KDM4A: variants seen among roughly 807,000 people sequenced by gnomAD.
KDM4A encodes lysine-specific demethylase 4A.
KDM4A carries 23 observed loss-of-function variants against 127.1 expected under a neutral mutation model. The observed-to-expected ratio is 0.18, with a 90% confidence interval of 0.13 to 0.26. The LOEUF (loss-of-function observed/expected upper bound fraction) is 0.26. Ranked by LOEUF, KDM4A falls within the 10% of genes least tolerant of loss-of-function variation. KDM4A has a pLI of 1.00. For missense variants in KDM4A, 890 were observed against 1,329.1 expected (o/e 0.67, Z 5.14); for synonymous variants, 443 against 466.5 (o/e 0.95, Z 0.65).
At position 43,704,560 on chromosome 1, in the gene KDM4A, T is replaced by C; in HGVS notation, c.*190T>C. 1.6e-6 allele frequency: 1 copy of C among 624,454 alleles called. No homozygotes were observed. Among genetic ancestry groups the C allele is most frequent in the African/African-American group, 1.8e-5 (1 of 54,582 alleles). The allele number at this position is 624,454 out of a possible 1,614,324, so 38.7% of individuals were successfully genotyped here. ...CTGTAGTGAAAGGACGAGCCATTTC[T>C]GGGCACGTGGCAGCAGTCGCTGATC... is the stretch of plus-strand genomic sequence containing the variant. On this transcript the variant is annotated 3_prime_UTR_variant, in exon 22 of 22. Coordinates refer to ENST00000372396, the MANE Select transcript of KDM4A (RefSeq NM_014663.3).
At chr1:43,689,561 G>T (rs565341049) in intron 13 of KDM4A, among the ~76,000 whole-genome samples, 1 of 152,360 alleles carries the variant, frequency 6.6e-6, no homozygotes, top group South Asian at 2.1e-4. Context: ...AGGGGTGGAA[G>T]CAAGGGCCTG....
chr1:43,684,574 G>A (rs1419937605), intron 12 of KDM4A, among the ~76,000 whole-genome samples: 1 of 152,178 alleles, frequency 6.6e-6, no homozygotes, highest in East Asian at 1.9e-4. Context: ...GCAGGAGGCT[G>A]TAGTCAGAGG....
chr1:43,665,442 G>A (rs1312096162), intron 5 of KDM4A, among the ~76,000 whole-genome samples: 3 of 151,702 alleles, frequency 2.0e-5, no homozygotes, highest in African/African-American at 7.3e-5. Flanking sequence ...CGTAAATCCT[G>A]GCTCATGGTG....
chr1:43,703,373 T>C lies in KDM4A; in HGVS notation c.2842-244T>C, dbSNP rs879251253. On this transcript the variant is annotated intron_variant, in intron 19 of 21. Coordinates refer to ENST00000372396, the MANE Select transcript of KDM4A (RefSeq NM_014663.3). ...GATTCTGGCACTTAACTCCTGTGTT[T>C]ACTAAGTTTGTTATAGCTGGATTTT... The C allele has an allele frequency of 1.8e-5, 7 of 381,100 alleles. No homozygotes were observed. The Admixed American group carries it at 2.6e-4, about 14-fold the overall frequency. The allele number at this position is 381,100 out of a possible 1,614,324, so 23.6% of individuals were successfully genotyped here.
At chr1:43,677,344 CAAA>C (rs35771419) in intron 11 of KDM4A, among the ~76,000 whole-genome samples, 4 of 65,790 alleles carry the variant, frequency 6.1e-5, no homozygotes, top group Admixed American at 3.4e-4. Context: ...GACTCCATCT[CAAA>C]AAAAAAAAAA....
At position 43,694,054 on chromosome 1, in the gene KDM4A, A is replaced by T. The variant is rs766183454; in HGVS notation, c.2436A>T (p.Glu812Asp). The change falls in exon 17 of 22, where the codon GAA (glutamate) becomes GAT (aspartate). Residue 812 changes from glutamate to aspartate, a missense_variant. Transcript: ENST00000372396. The surrounding 1 kb of genome is among the most constrained non-coding windows in gnomAD (Gnocchi z 5.2). ...ILEARFVNIA[E>D]RSPVDVSKIP... ...AAGCAAGGTTTGTCAACATTGCAGAAAGAAGTCCGGTGGATGTGAGCAAAA... is the reference window on the plus strand; with the variant it reads ...AAGCAAGGTTTGTCAACATTGCAGATAGAAGTCCGGTGGATGTGAGCAAAA... The T allele has an allele frequency of 1.9e-5, 31 of 1,614,154 alleles. No homozygotes were observed. Among genetic ancestry groups the T allele is most frequent in the African/African-American group, 4.0e-5 (3 of 74,956 alleles).
At position 43,688,887 on chromosome 1, in the gene KDM4A, G is replaced by C. The variant is rs374593599; in HGVS notation, c.1856-27G>C. The C allele has an allele frequency of 9.3e-6, 15 of 1,607,602 alleles. No homozygotes were observed. The highest frequency in any genetic ancestry group is 1.3e-5 in the Non-Finnish European group (15 of 1,175,382). On this transcript the variant is annotated intron_variant, in intron 12 of 21. Transcript: ENST00000372396. The surrounding 1 kb of genome is among the most constrained non-coding windows in gnomAD (Gnocchi z 4.4). The stretch of plus-strand genomic sequence containing the variant: ...GCCACAGATGTGCAGGGTTAGTGCT[G>C]ACTCACACTTCTGTTTCCTCCTCTA...
At position 43,683,809 on chromosome 1, in the gene KDM4A, GTGT is replaced by G. The variant is rs773459103; in HGVS notation, c.1855+10_1855+12del. On this transcript the variant is annotated splice_donor_region_variant and intron_variant, in intron 12 of 21. Coordinates refer to ENST00000372396, the MANE Select transcript of KDM4A (RefSeq NM_014663.3). Reference sequence around the variant, plus strand: ...AGGAGTGTGTCAGTGATGATGGTAAGTGTTGTTTTTTCTTCACCAGGAGGAAAG... The same window carrying G: ...AGGAGTGTGTCAGTGATGATGGTAAGTGTTTTTTCTTCACCAGGAGGAAAG... The G allele has an allele frequency of 2.2e-5, 35 of 1,613,312 alleles. No individual in the cohort carries two copies. Among genetic ancestry groups the G allele is most frequent in the Non-Finnish European group, 2.7e-5 (32 of 1,179,812 alleles).
At position 43,667,064 on chromosome 1, in the gene KDM4A, G is replaced by C; in HGVS notation, c.888G>C (p.Trp296Cys). ...CTACCAATTTTGCTACCCGTCGGTG[G>C]ATTGAGTACGGCAAGCAAGCTGTGC... ...AESTNFATRR[W>C]IEYGKQAVLC... Residue 296 changes from tryptophan to cysteine, a missense_variant, in exon 8 of 22, where the codon TGG (tryptophan) becomes TGC (cysteine). Physicochemically the swap from Trp to Cys is radical, Grantham distance 215. Around this residue, in one of 7 missense-constraint regions of KDM4A, gnomAD observed 141 missense variants for 273.5 expected, o/e 0.52. Coordinates refer to ENST00000372396, the MANE Select transcript of KDM4A (RefSeq NM_014663.3). 6.2e-7 allele frequency: 1 copy of C among 1,614,184 alleles called. No homozygotes were observed. Among genetic ancestry groups the C allele is most frequent in the Non-Finnish European group, 8.5e-7 (1 of 1,180,040 alleles).
chr1:43,683,516 C>T (rs1157174240), intron 11 of KDM4A, among the ~76,000 whole-genome samples, 168 bp from the exon 12 acceptor site: 2 of 152,144 alleles, frequency 1.3e-5, no homozygotes, highest in Admixed American at 6.5e-5. Flanking sequence ...TAGTTTGGTA[C>T]GTGGTATTGT....
At chr1:43,661,888 C>T (rs1236345133) in intron 4 of KDM4A, among the ~76,000 whole-genome samples, 1 of 152,048 alleles carries the variant, frequency 6.6e-6, no homozygotes, top group East Asian at 1.9e-4. Flanking sequence ...ACAACATTGC[C>T]ATAGTTTTTT....
intron 12 of KDM4A, among the ~76,000 whole-genome samples, chr1:43,686,487 C>A (rs1660983640): frequency 1.3e-5 from 2 of 152,050 alleles, no homozygotes; most frequent in South Asian, 4.1e-4. Context: ...CAGGTGTGTG[C>A]TACGACGCCC....
At position 43,698,142 on chromosome 1, in the gene KDM4A, CAG is replaced by C. The variant is rs1661289133; in HGVS notation, c.2841+131_2841+132del. The C allele has an allele frequency of 6.1e-6, 5 of 816,954 alleles. No individual in the cohort carries two copies. In the Admixed American group the frequency reaches 1.1e-4, roughly 18 times the overall value. 50.6% of individuals were successfully genotyped at this position (816,954 alleles called of 1,614,324 possible). A position where few individuals can be genotyped will look rare whatever the true frequency, so the allele number is the denominator to read the frequency against. On this transcript the variant is annotated intron_variant, in intron 19 of 21. Transcript: ENST00000372396. ...CTGGTCCCATCACCATGTCCTCAAA[CAG>C]AAAGAATCATCTGTACCAGTCTTTC...
intron 20 of KDM4A, 136 bp downstream of exon 20, chr1:43,703,872 G>GT: frequency 7.3e-7 from 1 of 1,366,316 alleles, no homozygotes; most frequent in Non-Finnish European, 1.0e-6. Context: ...GGTCTGCCCT[G>GT]TTTCCAGTCT....
In KDM4A at chr1:43,693,613, G is replaced by A. The variant is rs72884925; in HGVS notation, c.2376-381G>A. ...ATTACTGGCAGATTAGGGCACAGCC[G>A]GGGACGTTTTCAGGAAGCACTTGGG... is the stretch of plus-strand genomic sequence containing the variant. On this transcript the variant is annotated intron_variant, in intron 16 of 21. Transcript: ENST00000372396. The surrounding 1 kb of genome is among the most constrained non-coding windows in gnomAD (Gnocchi z 4.2). Among the ~76,000 whole-genome samples, 5,831 of 152,172 alleles carry A rather than the reference G, an allele frequency of 0.038. 372 individuals are homozygous for A. The highest frequency in any genetic ancestry group is 0.13 in the African/African-American group (5,525 of 41,420).
chr1:43,701,569 A>G (rs557502071), intron 19 of KDM4A, among the ~76,000 whole-genome samples: 1 of 152,104 alleles, frequency 6.6e-6, no homozygotes, highest in South Asian at 2.1e-4. Flanking sequence ...GTCATGGCTC[A>G]CTGCAGCCTC....
chr1:43,676,013 G>A (rs1002875492), intron 11 of KDM4A, among the ~76,000 whole-genome samples: 4 of 151,338 alleles, frequency 2.6e-5, no homozygotes, highest in African/African-American at 7.3e-5. Context: ...GGTGGGGGGC[G>A]GAGGTTGCAG....
At chr1:43,655,548 C>T (rs767677037) in intron 2 of KDM4A, 43 bp from the exon 3 acceptor site, 12 of 1,537,208 alleles carry the variant, frequency 7.8e-6, no homozygotes, top group South Asian at 1.2e-5. Flanking sequence ...GACTGGCTTG[C>T]CAGGTTTCTC....
chr1:43,685,173 G>C (rs1159945129), intron 12 of KDM4A, among the ~76,000 whole-genome samples: 2 of 152,184 alleles, frequency 1.3e-5, no homozygotes, highest in Non-Finnish European at 2.9e-5. Flanking sequence ...GAAGGAGGCA[G>C]AGAAGCAGGG....
Sources: gnomAD v4.1 joint callset for allele counts (sites outside exome capture counted in the v4.1 genomes callset) on GRCh38, gnomAD v4.1.1 for gene constraint, gnomAD v4.1.1 regional missense constraint, Gnocchi (gnomAD v3.1) non-coding constraint, MANE v1.5 for transcripts, NCBI Gene and HGNC (gene_info 2026-07-23, HGNC 2026-07-21) for gene names.